Variants in SLC2A9 observed in about 807,000 individuals in gnomAD.
SLC2A9 encodes the protein solute carrier family 2 member 9, also known as solute carrier family 2, facilitated glucose transporter member 9.
SLC2A9 carries 39 observed loss-of-function variants against 50.6 expected under a neutral mutation model. That is an observed-to-expected ratio of 0.77 (90% CI 0.60 to 1.01). The LOEUF (loss-of-function observed/expected upper bound fraction) is 1.01, where lower values mean the gene tolerates loss of function less well. Ranked by LOEUF, SLC2A9 falls within the 50% of genes least tolerant of loss-of-function variation. The pLI, the probability that SLC2A9 is intolerant of heterozygous loss-of-function variation, is 0.00. For missense variants in SLC2A9, 686 were observed against 677.6 expected (o/e 1.01, Z -0.14); for synonymous variants, 324 against 276.9 (o/e 1.17, Z -1.69).
intron 7 of SLC2A9, among the ~76,000 whole-genome samples, chr4:9,917,822 T>G (rs1031724351): frequency 6.6e-6 from 1 of 152,158 alleles, no homozygotes; most frequent in Non-Finnish European, 1.5e-5. Flanking sequence ...GTGCTACTGG[T>G]ACCTAATGGG....
chr4:9,937,953 C>T (rs1490911468), intron 6 of SLC2A9, among the ~76,000 whole-genome samples: 2 of 152,326 alleles, frequency 1.3e-5, no homozygotes, highest in East Asian at 3.9e-4. Flanking sequence ...TTTACCTGGG[C>T]CTGCCCGTAT....
chr4:9,968,120 CT>C (rs1470426059), intron 5 of SLC2A9, among the ~76,000 whole-genome samples: 1 of 152,126 alleles, frequency 6.6e-6, no homozygotes, highest in Non-Finnish European at 1.5e-5. Context: ...TTTTCAGCCA[CT>C]TTCTAAACTG....
intron 3 of SLC2A9, among the ~76,000 whole-genome samples, chr4:9,791,092 G>A (rs1185614232): frequency 1.3e-5 from 2 of 152,152 alleles, no homozygotes; most frequent in African/African-American, 2.4e-5. Context: ...GAACCCTAGA[G>A]GTCCTTTTAG....
rs563414468 is a variant in SLC2A9, at chr4:9,805,978, G to A, written n.421-6737C>T. ...GACCAGAGTCCCACAGCAAGTACGCGGTGGAGCCTGGACTTGAACCTAGGC... is the reference window on the plus strand; with the variant it reads ...GACCAGAGTCCCACAGCAAGTACGCAGTGGAGCCTGGACTTGAACCTAGGC... On this transcript the variant is annotated intron_variant and non_coding_transcript_variant, in intron 3 of 3. Transcript: ENST00000503280. Among the ~76,000 whole-genome samples the A allele has an allele frequency of 2.5e-4, 38 of 152,290 alleles. No individual in the cohort carries two copies. The East Asian group carries it at 5.4e-3, about 22-fold the overall frequency.
intron 5 of SLC2A9, among the ~76,000 whole-genome samples, chr4:9,944,294 C>T (rs1314460924): frequency 6.6e-6 from 1 of 152,184 alleles, no homozygotes; most frequent in East Asian, 1.9e-4. Context: ...CAACAGGAGC[C>T]TTTGAGGGGT....
chr4:9,860,677 C>T (rs943223743), intron 10 of SLC2A9, among the ~76,000 whole-genome samples: 4 of 152,236 alleles, frequency 2.6e-5, no homozygotes, highest in Non-Finnish European at 4.4e-5. Flanking sequence ...CTCCCTTGTG[C>T]ACCTCAATTG....
chr4:9,840,927 G>T (rs1315451463), intron 10 of SLC2A9, among the ~76,000 whole-genome samples: 1 of 151,990 alleles, frequency 6.6e-6, no homozygotes, highest in African/African-American at 2.4e-5. Flanking sequence ...GACAAAGAGA[G>T]AAAGCAGGGG....
intron 7 of SLC2A9, among the ~76,000 whole-genome samples, chr4:9,919,740 G>C (rs974273936): frequency 6.6e-6 from 1 of 152,202 alleles, no homozygotes; most frequent in African/African-American, 2.4e-5. Flanking sequence ...TAGATGGGGA[G>C]ATCACCACCC....
intron 5 of SLC2A9, among the ~76,000 whole-genome samples, chr4:9,960,107 G>T (rs1268604033): frequency 6.6e-6 from 1 of 152,148 alleles, no homozygotes; most frequent in Non-Finnish European, 1.5e-5. Flanking sequence ...AAGTTATACA[G>T]GAGAGGAGCC....
At chr4:9,938,752 G>C (rs1747597312) in intron 6 of SLC2A9, among the ~76,000 whole-genome samples, 1 of 152,216 alleles carries the variant, frequency 6.6e-6, no homozygotes, top group South Asian at 2.1e-4. Context: ...CTCAGCCTCT[G>C]AGTGGTCATT....
At chr4:10,029,573 TA>T (rs1424326970) in intron 1 of SLC2A9, among the ~76,000 whole-genome samples, 111 of 135,960 alleles carry the variant, frequency 8.2e-4, no homozygotes, top group African/African-American at 2.9e-3. Context: ...TTATTTATTT[TA>T]TATTTTTATT....
intron 1 of SLC2A9, 134 bp downstream of exon 1, chr4:10,021,146 G>T: frequency 3.3e-6 from 3 of 913,770 alleles, no homozygotes; most frequent in Non-Finnish European, 5.3e-6. Flanking sequence ...TCAAACTGAG[G>T]CCTCCCTGCC....
At chr4:9,981,747 T>C (rs991893914) in intron 4 of SLC2A9, among the ~76,000 whole-genome samples, 3 of 152,226 alleles carry the variant, frequency 2.0e-5, no homozygotes, top group African/African-American at 7.2e-5. Context: ...ACCTTCTAGA[T>C]GAAGAACACT....
chr4:10,038,401 C>T (rs558129336), intron 1 of SLC2A9, among the ~76,000 whole-genome samples: 1 of 146,708 alleles, frequency 6.8e-6, no homozygotes, highest in South Asian at 2.2e-4. Flanking sequence ...AAGCTACTAG[C>T]GAGGCTGAGG....
At chr4:9,913,711 G>A (rs79689229) in intron 7 of SLC2A9, among the ~76,000 whole-genome samples, 240 of 152,326 alleles carry the variant, frequency 1.6e-3, no homozygotes, top group African/African-American at 5.4e-3. Context: ...TGTGTCTGCT[G>A]CCTCCACCCA....
intron 8 of SLC2A9, among the ~76,000 whole-genome samples, chr4:9,896,890 T>C (rs1220522801): frequency 6.6e-6 from 1 of 152,242 alleles, no homozygotes; most frequent in Non-Finnish European, 1.5e-5. Flanking sequence ...TCTGTTCCAT[T>C]GATCTGTGGG....
intron 1 of SLC2A9, among the ~76,000 whole-genome samples, chr4:9,771,696 T>A (rs1362209753): frequency 1.3e-5 from 2 of 152,216 alleles, no homozygotes; most frequent in Non-Finnish European, 2.9e-5. Flanking sequence ...TTCACTTCAG[T>A]GGGCTGTTGA....
At chr4:9,866,968 G>A (rs1393635522) in intron 10 of SLC2A9, among the ~76,000 whole-genome samples, 3 of 152,120 alleles carry the variant, frequency 2.0e-5, no homozygotes, top group African/African-American at 7.2e-5. Context: ...TCCACTTTTG[G>A]AGCCTAGAAT....
chr4:9,780,690 G>A (rs1406568332), intron 3 of SLC2A9, among the ~76,000 whole-genome samples: 2 of 152,202 alleles, frequency 1.3e-5, no homozygotes, highest in South Asian at 2.1e-4. Flanking sequence ...TGAGCTTAAC[G>A]CCAGTAGAGG....
Sources: allele counts gnomAD v4.1 joint callset (sites outside exome capture counted in the v4.1 genomes callset), GRCh38; gene constraint gnomAD v4.1.1; transcripts MANE v1.5; gene names NCBI Gene and HGNC (gene_info 2026-07-23, HGNC 2026-07-21).